The following ZFP2 variants were observed in gnomAD, a reference collection of about 807,000 sequenced individuals.
ZFP2 encodes ZFP2 zinc finger protein, also known as zinc finger protein ZFP2.
ZFP2 carries 33 observed loss-of-function variants against 36.1 expected under a neutral mutation model. The observed-to-expected ratio is 0.92, with a 90% CI of 0.69 to 1.22. The LOEUF is 1.22. ZFP2 is among the 50% of genes most tolerant of loss of function. The pLI is 0.00. For synonymous variants in ZFP2, 170 were observed against 178.0 expected (o/e 0.96, Z 0.36); for missense variants, 522 against 551.4 (o/e 0.95, Z 0.53).
chr5:178,917,336 C>T (rs1449917574), intron 4 of ZFP2, among the ~76,000 whole-genome samples: 7 of 152,084 alleles, frequency 4.6e-5, no homozygotes, highest in East Asian at 1.9e-4. Context: ...AAAATGTGGC[C>T]GGGCGTCGTG....
intron 4 of ZFP2, among the ~76,000 whole-genome samples, chr5:178,923,722 C>T (rs559182319): frequency 6.8e-6 from 1 of 147,546 alleles, no homozygotes; most frequent in Admixed American, 6.8e-5. Context: ...TCTCTTCTGC[C>T]AGTTTTTTAA....
intron 4 of ZFP2, among the ~76,000 whole-genome samples, chr5:178,918,805 G>A (rs1462469821): frequency 6.6e-6 from 1 of 152,168 alleles, no homozygotes; most frequent in East Asian, 1.9e-4. Context: ...TTACATCCAA[G>A]CATAATGCTT....
chr5:178,901,977 T>C (rs1276343438), intron 1 of ZFP2, among the ~76,000 whole-genome samples: 1 of 151,770 alleles, frequency 6.6e-6, no homozygotes, highest in Non-Finnish European at 1.5e-5. Flanking sequence ...CTACTAAAAA[T>C]ACAAAAAATG....
At chr5:178,924,372 C>A (rs1420113583) in intron 4 of ZFP2, among the ~76,000 whole-genome samples, 37 of 110,844 alleles carry the variant, frequency 3.3e-4, no homozygotes, top group African/African-American at 9.2e-4. Flanking sequence ...GACTCTGTCT[C>A]AAAAAAAAAA....
intron 1 of ZFP2, among the ~76,000 whole-genome samples, chr5:178,909,265 G>A (rs906137551): frequency 1.4e-4 from 22 of 152,300 alleles, no homozygotes; most frequent in Middle Eastern, 3.4e-3. Flanking sequence ...CTCATAGTTC[G>A]ATTGTATCGT....
At chr5:178,915,556 T>G (rs1332741583) in intron 3 of ZFP2, 1 of 152,004 alleles carries the variant, frequency 6.6e-6, no homozygotes, top group Admixed American at 6.6e-5. Context: ...TCAGGCAGTC[T>G]GCCCACCTCA....
Position 178,923,487 on chromosome 5 carries a change from C to G in ZFP2, c.-78+6777C>G. On this transcript the variant is annotated intron_variant, in intron 4 of 4. Transcript: ENST00000361362. Reference sequence around the variant, plus strand: ...CATGTCACTGCCAGTCTTTTTATACCCAAACTAACTTCCCCATTCATGTTT... The same window carrying G: ...CATGTCACTGCCAGTCTTTTTATACGCAAACTAACTTCCCCATTCATGTTT... Among the ~76,000 whole-genome samples the G allele has an allele frequency of 1.3e-5, 2 of 149,464 alleles. 1 individual carries two copies. The highest frequency in any genetic ancestry group is 3.0e-5 in the Non-Finnish European group (2 of 66,632).
intron 1 of ZFP2, among the ~76,000 whole-genome samples, chr5:178,911,734 CA>C (rs1205507973): frequency 6.6e-6 from 1 of 152,174 alleles, no homozygotes; most frequent in African/African-American, 2.4e-5. Flanking sequence ...ATTTACATAT[CA>C]AAATGCTCTC....
intron 1 of ZFP2, among the ~76,000 whole-genome samples, chr5:178,908,620 C>CA (rs59116418): frequency 0.033 from 2,524 of 77,040 alleles, 37 homozygotes; most frequent in Non-Finnish European, 0.048. Flanking sequence ...CTTCCCCTAC[C>CA]AAAAAAAAAA....
intron 1 of ZFP2, among the ~76,000 whole-genome samples, chr5:178,904,810 C>G (rs35878752): frequency 6.9e-6 from 1 of 145,718 alleles, no homozygotes; most frequent in East Asian, 2.1e-4. Flanking sequence ...TCAAGGCATT[C>G]TCTTGCCTCA....
intron 1 of ZFP2, chr5:178,910,008 G>A (rs1561680014): frequency 7.0e-7 from 1 of 1,424,550 alleles, no homozygotes; most frequent in Non-Finnish European, 9.9e-7. Context: ...TAGGGTGATG[G>A]CTATTTGCCG....
At position 178,931,217 on chromosome 5, in the gene ZFP2, GA is replaced by G; in HGVS notation, c.-77-18del. ...CTAGCACAGAAACCAATGTGCATTT[GA>G]ATTTTTTTTTTTTTTCAGACTGGGA... On this transcript the variant is annotated intron_variant, in intron 4 of 4. Transcript: ENST00000361362. 2 of 1,462,334 alleles carry G rather than the reference GA, an allele frequency of 1.4e-6. No homozygotes were observed. Among genetic ancestry groups the G allele is most frequent in the Non-Finnish European group, 1.8e-6 (2 of 1,101,154 alleles). 90.6% of individuals were successfully genotyped at this position (1,462,334 alleles called of 1,614,324 possible).
chr5:178,909,903 C>A, intron 1 of ZFP2: 1 of 1,526,188 alleles, frequency 6.6e-7, no homozygotes, highest in African/African-American at 1.4e-5. Flanking sequence ...CCAAGAGTCC[C>A]GGGAGATGCC....
intron 1 of ZFP2, among the ~76,000 whole-genome samples, chr5:178,905,971 C>G (rs1244019285): frequency 1.3e-5 from 2 of 152,122 alleles, no homozygotes; most frequent in African/African-American, 4.8e-5. Context: ...AGGCTGGTCT[C>G]GAACCCCTGA....
intron 4 of ZFP2, among the ~76,000 whole-genome samples, chr5:178,927,663 A>ATGTGTGTGTGTGTG (rs33974182): frequency 7.6e-5 from 7 of 92,584 alleles, no homozygotes; most frequent in Admixed American, 3.4e-4. Flanking sequence ...TACCTGGCCA[A>ATGTGTGTGTGTGTG]TGTGTGTGTG....
chr5:178,898,060 GA>G (rs372538271), intron 1 of ZFP2, among the ~76,000 whole-genome samples: 33 of 151,910 alleles, frequency 2.2e-4, no homozygotes, highest in Middle Eastern at 3.4e-3. Context: ...GTGTGATCTC[GA>G]CACTGCAACC....
intron 1 of ZFP2, among the ~76,000 whole-genome samples, chr5:178,901,200 C>T (rs1314681638): frequency 6.6e-6 from 1 of 152,094 alleles, no homozygotes; most frequent in Non-Finnish European, 1.5e-5. Flanking sequence ...GTCAAGTGTA[C>T]ATTTGACTTT....
chr5:178,896,764 TAGC>T (rs1356708961), intron 1 of ZFP2, among the ~76,000 whole-genome samples: 1 of 152,240 alleles, frequency 6.6e-6, no homozygotes, highest in African/African-American at 2.4e-5. Context: ...ATATGAATAT[TAGC>T]AGCTTTTTCT....
intron 3 of ZFP2, 149 bp from the exon 4 acceptor site, chr5:178,916,416 T>G: frequency 2.9e-6 from 1 of 350,102 alleles, no homozygotes; most frequent in Non-Finnish European, 4.0e-6. Flanking sequence ...GCCTGTGGTT[T>G]GTTTTTTAAC....
Sources: gnomAD v4.1 joint callset for allele counts (sites outside exome capture counted in the v4.1 genomes callset) on GRCh38, gnomAD v4.1.1 for gene constraint, MANE v1.5 for transcripts, NCBI Gene and HGNC (gene_info 2026-07-23, HGNC 2026-07-21) for gene names.